NRG1: variants seen among roughly 807,000 people sequenced by gnomAD.
NRG1 encodes the protein neuregulin 1.
A neutral mutation model predicts 63.8 loss-of-function variants in NRG1; 18 were observed. The ratio of observed to expected loss-of-function variants is 0.28; its 90% CI spans 0.19 to 0.42. NRG1 has a LOEUF of 0.42. Ranked by LOEUF, NRG1 falls within the 10% of genes least tolerant of loss-of-function variation. NRG1 has a pLI of 1.00. For synonymous variants in NRG1, 302 were observed against 301.3 expected (o/e 1.00, Z -0.02); for missense variants, 762 against 814.7 (o/e 0.94, Z 0.79).
chr8:32,251,058 T>G (rs1187913622), intron 1 of NRG1, among the ~76,000 whole-genome samples: 1 of 150,268 alleles, frequency 6.7e-6, no homozygotes, highest in Non-Finnish European at 1.5e-5. Flanking sequence ...CCATATTTAT[T>G]ATTATTATTA....
chr8:32,617,646 C>T (rs1229664037), intron 5 of NRG1, among the ~76,000 whole-genome samples: 1 of 152,184 alleles, frequency 6.6e-6, no homozygotes, highest in Admixed American at 6.5e-5. Flanking sequence ...TACAGTCTTT[C>T]TCTTCCTTAT....
chr8:32,354,176 C>T (rs559379307), intron 1 of NRG1, among the ~76,000 whole-genome samples: 44 of 152,084 alleles, frequency 2.9e-4, no homozygotes, highest in African/African-American at 9.9e-4. Flanking sequence ...CGAGACCCCC[C>T]AGGCCCACAT....
chr8:32,565,867 A>G (rs1038881550), intron 1 of NRG1, among the ~76,000 whole-genome samples: 1 of 152,078 alleles, frequency 6.6e-6, no homozygotes, highest in Admixed American at 6.6e-5. Flanking sequence ...CTCTGTAAAA[A>G]TTATCTGTGT....
intron 1 of NRG1, among the ~76,000 whole-genome samples, chr8:32,180,707 G>A (rs1287859893): frequency 1.3e-5 from 2 of 152,136 alleles, no homozygotes; most frequent in African/African-American, 4.8e-5. Flanking sequence ...TGGCATGGCT[G>A]AATCAAAGTA....
intron 1 of NRG1, among the ~76,000 whole-genome samples, chr8:31,860,676 T>G (rs1828390571): frequency 6.6e-6 from 1 of 152,204 alleles, no homozygotes; most frequent in Non-Finnish European, 1.5e-5. Flanking sequence ...TAAACAATGA[T>G]TATTTGGCGT....
chr8:32,032,644 G>T (rs1294509634), intron 1 of NRG1, among the ~76,000 whole-genome samples: 1 of 152,156 alleles, frequency 6.6e-6, no homozygotes, highest in African/African-American at 2.4e-5. Flanking sequence ...TTGTGAATGT[G>T]TTTAAGTTCC....
At chr8:31,959,655 C>T (rs1464642016) in intron 1 of NRG1, among the ~76,000 whole-genome samples, 2 of 152,078 alleles carry the variant, frequency 1.3e-5, no homozygotes, top group Non-Finnish European at 2.9e-5. Context: ...TGGAGATTAT[C>T]TTTAAGCATT....
At chr8:32,426,927 A>T (rs1817453356) in intron 1 of NRG1, among the ~76,000 whole-genome samples, 1 of 152,112 alleles carries the variant, frequency 6.6e-6, no homozygotes, top group Admixed American at 6.6e-5. Flanking sequence ...GTTTATATTA[A>T]CAATGTAAGA....
At chr8:32,499,090 G>A (rs749021140) in intron 1 of NRG1, among the ~76,000 whole-genome samples, 18 of 152,128 alleles carry the variant, frequency 1.2e-4, no homozygotes, top group African/African-American at 1.7e-4. Flanking sequence ...AGATCAGAAC[G>A]AGAATAAATA....
intron 1 of NRG1, among the ~76,000 whole-genome samples, chr8:32,374,546 G>A (rs900774015): frequency 2.6e-5 from 4 of 152,086 alleles, no homozygotes; most frequent in South Asian, 2.1e-4. Flanking sequence ...GTTGTTTGAC[G>A]AATAGCAAAT....
intron 1 of NRG1, among the ~76,000 whole-genome samples, chr8:31,704,109 G>A (rs1810891989): frequency 2.0e-5 from 3 of 152,166 alleles, no homozygotes; most frequent in Admixed American, 2.0e-4. Flanking sequence ...ATGCAAAGTA[G>A]TTTCTTGGCT....
At chr8:32,113,667 G>A (rs183707803) in intron 1 of NRG1, among the ~76,000 whole-genome samples, 1 of 152,292 alleles carries the variant, frequency 6.6e-6, no homozygotes, top group African/African-American at 2.4e-5. Context: ...GAACAAATTT[G>A]TCTAAGGCAG....
Position 31,724,078 on chromosome 8 carries a change from A to G in NRG1, c.37+84647A>G, listed in dbSNP as rs118032641. Reference sequence around the variant, plus strand: ...TAATAAAAGTGAATTGATAATGATCATATATATTATATAATTAGGTAATAT... The same window carrying G: ...TAATAAAAGTGAATTGATAATGATCGTATATATTATATAATTAGGTAATAT... On this transcript the variant is annotated intron_variant, in intron 1 of 10. Coordinates refer to the NRG1 transcript ENST00000519301. Among the ~76,000 whole-genome samples the G allele has an allele frequency of 3.9e-3, 592 of 152,194 alleles. 1 individual carries two copies. The highest frequency in any genetic ancestry group is 0.019 in the South Asian group (92 of 4,828).
rs150930008 is a variant in NRG1 at position 32,443,501 on chromosome 8, GA to G, written c.38-152325del. On this transcript the variant is annotated intron_variant, in intron 1 of 10. Coordinates refer to the NRG1 transcript ENST00000519301. ...GTTAAGAAATAGACTCAGAGAGCTT[GA>G]ACATGGAAGGATGCTAGGACAAGTG... is the stretch of plus-strand genomic sequence containing the variant. 3.9e-3 allele frequency among the ~76,000 whole-genome samples: 587 copies of G among 152,312 alleles called. 6 individuals carry two copies. Among genetic ancestry groups the G allele is most frequent in the African/African-American group, 0.014 (563 of 41,566 alleles).
At chr8:31,854,221 G>T (rs1448880714) in intron 1 of NRG1, among the ~76,000 whole-genome samples, 1 of 151,422 alleles carries the variant, frequency 6.6e-6, no homozygotes, top group Non-Finnish European at 1.5e-5. Flanking sequence ...GGTAGAATTC[G>T]GCTGTGAATC....
In NRG1 at chr8:31,662,660, T is replaced by A. The variant is rs117377554; in HGVS notation, c.37+23229T>A. On this transcript the variant is annotated intron_variant, in intron 1 of 10. Transcript: ENST00000519301. ...CCTTTTAGGACCTCATCCTACCAACTTAATAGGTGCTAGCAGAGACTCGTT... is the reference window on the plus strand; with the variant it reads ...CCTTTTAGGACCTCATCCTACCAACATAATAGGTGCTAGCAGAGACTCGTT... Among the ~76,000 whole-genome samples, 706 of 152,276 alleles carry A rather than the reference T, an allele frequency of 4.6e-3. 3 individuals are homozygous for A. Among genetic ancestry groups the A allele is most frequent in the Admixed American group, 0.013 (196 of 15,290 alleles).
At chr8:32,555,572 C>T (rs947964676) in intron 1 of NRG1, among the ~76,000 whole-genome samples, 7 of 152,104 alleles carry the variant, frequency 4.6e-5, no homozygotes. Context: ...CCCGGGTTCA[C>T]GCCATTCTCC....
At chr8:32,031,859 C>T (rs1019365933) in intron 1 of NRG1, among the ~76,000 whole-genome samples, 2 of 152,104 alleles carry the variant, frequency 1.3e-5, no homozygotes, top group Admixed American at 6.5e-5. Flanking sequence ...TCCAGCCTAT[C>T]ATTGATGGGC....
intron 5 of NRG1, 51 bp from the exon 6 acceptor site, chr8:32,727,898 G>A: frequency 6.3e-7 from 1 of 1,585,468 alleles, no homozygotes; most frequent in Non-Finnish European, 8.6e-7. Context: ...AGGCTGCTTA[G>A]AAGGGGGAAA....
Sources: allele counts gnomAD v4.1 joint callset (sites outside exome capture counted in the v4.1 genomes callset), GRCh38; gene constraint gnomAD v4.1.1; transcripts MANE v1.5; gene names NCBI Gene and HGNC (gene_info 2026-07-23, HGNC 2026-07-21).